Variants in ANO4 observed in about 807,000 individuals in gnomAD.
The protein encoded by ANO4 is anoctamin-4.
A neutral mutation model predicts 141.9 loss-of-function variants in ANO4; 69 were observed. The observed-to-expected ratio is 0.49, with a 90% CI of 0.40 to 0.59. ANO4 has a LOEUF of 0.59. Among genes scored for constraint, ANO4 ranks in the 20% least tolerant of loss-of-function variants. The probability of loss-of-function intolerance (pLI) is 0.00; values close to 1 mark genes in which losing one functional copy is unlikely to be tolerated. For missense variants in ANO4, 894 were observed against 1,162.2 expected (o/e 0.77, Z 3.36); for synonymous variants, 350 against 394.3 (o/e 0.89, Z 1.33).
At chr12:101,085,387 G>A (rs945005896) in intron 16 of ANO4, among the ~76,000 whole-genome samples, 4 of 152,130 alleles carry the variant, frequency 2.6e-5, no homozygotes, top group South Asian at 2.1e-4. Flanking sequence ...TTAAAAAAAG[G>A]TTAGTTGTAG....
At chr12:101,009,809 T>G (rs1038672144) in intron 8 of ANO4, among the ~76,000 whole-genome samples, 18 of 152,164 alleles carry the variant, frequency 1.2e-4, no homozygotes, top group African/African-American at 4.1e-4. Flanking sequence ...TTTAGCTGAT[T>G]TATTCCTTTT....
rs1460103623 is a variant in ANO4, at chr12:100,855,440, TAC to T, written c.-140-46204_-140-46203del. ...ATCTTTATTCATAGGGTGCTGTTGT[TAC>T]AATCATGCCATATATTTAATTTTGT... On this transcript the variant is annotated intron_variant, in intron 1 of 27. Coordinates refer to ENST00000392977, the MANE Select transcript of ANO4 (RefSeq NM_001286615.2). 2.6e-5 allele frequency among the ~76,000 whole-genome samples: 4 copies of T among 152,302 alleles called. No individual in the cohort carries two copies. In the South Asian group the frequency reaches 8.3e-4, roughly 32 times the overall value.
At chr12:101,054,243 T>C (rs1406800164) in intron 14 of ANO4, among the ~76,000 whole-genome samples, 1 of 152,234 alleles carries the variant, frequency 6.6e-6, no homozygotes, top group Non-Finnish European at 1.5e-5. Flanking sequence ...TGTATTTAAA[T>C]TTTTTTAAAG....
At chr12:100,803,801 T>G (rs931231563) in intron 1 of ANO4, among the ~76,000 whole-genome samples, 1 of 152,206 alleles carries the variant, frequency 6.6e-6, no homozygotes, top group African/African-American at 2.4e-5. Context: ...AAATAGTCCA[T>G]GGAGAGCCCT....
At chr12:101,106,891 G>GA (rs11389258) in intron 22 of ANO4, among the ~76,000 whole-genome samples, 39,827 of 146,414 alleles carry the variant, frequency 0.27, 7,736 homozygotes, top group African/African-American at 0.55. Context: ...CTCTTCCCTT[G>GA]AAAAAAAAAA....
At chr12:100,885,011 C>T (rs556266947) in intron 1 of ANO4, among the ~76,000 whole-genome samples, 1 of 152,322 alleles carries the variant, frequency 6.6e-6, no homozygotes, top group African/African-American at 2.4e-5. Flanking sequence ...CCTTTTCCAG[C>T]TCCTAGGGCT....
intron 1 of ANO4, among the ~76,000 whole-genome samples, chr12:100,898,161 A>T (rs373219338): frequency 6.6e-6 from 1 of 152,244 alleles, no homozygotes; most frequent in Non-Finnish European, 1.5e-5. Context: ...TGGGATAATG[A>T]TCAATATCGA....
At chr12:100,976,257 G>A (rs1466239893) in intron 7 of ANO4, among the ~76,000 whole-genome samples, 1 of 152,168 alleles carries the variant, frequency 6.6e-6, no homozygotes, top group Non-Finnish European at 1.5e-5. Flanking sequence ...GCTATGTTGA[G>A]TGATAAATAA....
At position 101,094,411 on chromosome 12, in the gene ANO4, A is replaced by C. The variant is rs188385690; in HGVS notation, c.1738+119A>C. 4.3e-3 allele frequency: 3,317 copies of C among 766,948 alleles called. 8 individuals are homozygous for C. Among genetic ancestry groups the C allele is most frequent in the Non-Finnish European group, 5.7e-3 (2,884 of 507,896 alleles). 47.5% of individuals were successfully genotyped at this position (766,948 alleles called of 1,614,324 possible). A position where few individuals can be genotyped will look rare whatever the true frequency, so the allele number is the denominator to read the frequency against. Reference sequence around the variant, plus strand: ...GTCCCTTTATTTTAAAATTCATACAACAAGTTTTTTCTTTGCCTTCAACAG... The same window carrying C: ...GTCCCTTTATTTTAAAATTCATACACCAAGTTTTTTCTTTGCCTTCAACAG... On this transcript the variant is annotated intron_variant, in intron 18 of 27. Coordinates refer to ENST00000392977, the MANE Select transcript of ANO4 (RefSeq NM_001286615.2).
chr12:101,036,494 T>C (rs1227969994), intron 9 of ANO4, among the ~76,000 whole-genome samples: 1 of 152,154 alleles, frequency 6.6e-6, no homozygotes, highest in East Asian at 1.9e-4. Flanking sequence ...GGTACATATA[T>C]ACAATGGAAT....
chr12:101,114,284 T>C (rs774782963), intron 24 of ANO4, among the ~76,000 whole-genome samples: 4 of 152,204 alleles, frequency 2.6e-5, no homozygotes, highest in Non-Finnish European at 5.9e-5. Flanking sequence ...ATATTGACAA[T>C]AGCTAACAGT....
intron 1 of ANO4, among the ~76,000 whole-genome samples, chr12:100,890,402 T>G (rs1455913583): frequency 6.6e-6 from 1 of 152,236 alleles, no homozygotes; most frequent in Admixed American, 6.5e-5. Flanking sequence ...TTGAGATAAC[T>G]TCCTAGAAGT....
chr12:100,751,918 G>A (rs2032401185), intron 3 of ANO4, among the ~76,000 whole-genome samples: 1 of 152,174 alleles, frequency 6.6e-6, no homozygotes, highest in African/African-American at 2.4e-5. Flanking sequence ...ATGTGTTGGA[G>A]CTGGTGAAGA....
At chr12:100,967,570 G>GAC (rs3059289) in intron 5 of ANO4, among the ~76,000 whole-genome samples, 163 of 149,276 alleles carry the variant, frequency 1.1e-3, no homozygotes, top group African/African-American at 1.8e-3. Context: ...ATGTAAAGAG[G>GAC]ACACACACAC....
chr12:100,747,602 T>C (rs12829961), intron 3 of ANO4, among the ~76,000 whole-genome samples: 36,984 of 152,174 alleles, frequency 0.24, 4,817 homozygotes, highest in African/African-American at 0.28. Flanking sequence ...AGGCTGGGTG[T>C]GGTGGCTCAC....
At position 100,922,323 on chromosome 12, in the gene ANO4, A is replaced by G; in HGVS notation, c.153A>G (p.Ile51Met). ...DVDFSEILNA[I>M]QEMAKDVNIL... ...ACTTTTCAGAGATTCTTAATGCAAT[A>G]CAAGAAAGTAAGTTTCACTCAAATT... Residue 51 changes from isoleucine (I) to methionine (M), a missense_variant, in exon 3 of 28, where the codon ATA becomes ATG. By Grantham distance (10) the Ile-to-Met change is conservative (BLOSUM62 1). Around this residue, in one of 2 missense-constraint regions of ANO4, gnomAD observed 257 missense variants for 253.0 expected, o/e 1.02. Transcript: ENST00000392977. The G allele has an allele frequency of 2.0e-6, 3 of 1,525,686 alleles. No individual in the cohort carries two copies. Among genetic ancestry groups the G allele is most frequent in the Non-Finnish European group, 1.7e-6 (2 of 1,143,416 alleles). 94.5% of individuals were successfully genotyped at this position (1,525,686 alleles called of 1,614,324 possible).
chr12:101,108,528 G>A (rs929455912), intron 22 of ANO4, among the ~76,000 whole-genome samples: 4 of 152,134 alleles, frequency 2.6e-5, no homozygotes, highest in African/African-American at 9.7e-5. Context: ...AAATGAGTTA[G>A]TGTATATGAA....
At chr12:100,914,249 C>T (rs545614189) in intron 2 of ANO4, among the ~76,000 whole-genome samples, 1 of 152,238 alleles carries the variant, frequency 6.6e-6, no homozygotes, top group Non-Finnish European at 1.5e-5. Context: ...AGAGCCATTA[C>T]TGGCCGATGC....
chr12:101,066,261 A>G (rs2673667), intron 14 of ANO4, among the ~76,000 whole-genome samples: 108,833 of 152,140 alleles, frequency 0.72, 40,137 homozygotes, highest in African/African-American at 0.89. Flanking sequence ...GTCCTAGCTA[A>G]AGCAATCAAA....
Sources: allele counts gnomAD v4.1 joint callset (sites outside exome capture counted in the v4.1 genomes callset), GRCh38; gene constraint gnomAD v4.1.1; regional missense constraint gnomAD v4.1.1; transcripts MANE v1.5; gene names NCBI Gene and HGNC (gene_info 2026-07-23, HGNC 2026-07-21).